The following CTNNA3 variants were observed in gnomAD, a reference collection of about 807,000 sequenced individuals.
CTNNA3 encodes the protein catenin alpha 3, also known as catenin alpha-3.
CTNNA3 carries 76 observed loss-of-function variants against 95.7 expected under a neutral mutation model. The ratio of observed to expected loss-of-function variants is 0.79; its 90% CI spans 0.66 to 0.96. CTNNA3 has a LOEUF of 0.96. Among genes scored for constraint, CTNNA3 ranks in the 40% least tolerant of loss-of-function variants. The probability of loss-of-function intolerance (pLI) is 0.00; values close to 1 mark genes in which losing one functional copy is unlikely to be tolerated. For synonymous variants in CTNNA3, 431 were observed against 374.4 expected, an observed-to-expected ratio of 1.15 and a Z score of -1.74; for missense variants, 1,191 against 1,089.8, an observed-to-expected ratio of 1.09 and a Z score of -1.31.
At chr10:66,145,484 A>G (rs1286878416) in intron 13 of CTNNA3, among the ~76,000 whole-genome samples, 1 of 152,120 alleles carries the variant, frequency 6.6e-6, no homozygotes, top group African/African-American at 2.4e-5. Context: ...AGTTCCTGAC[A>G]CCCAAATATC....
intron 10 of CTNNA3, among the ~76,000 whole-genome samples, chr10:66,568,895 G>A (rs1363875615): frequency 1.3e-5 from 2 of 151,996 alleles, no homozygotes; most frequent in Non-Finnish European, 2.9e-5. Flanking sequence ...GCTGGCAGCA[G>A]AGAAAGCCTT....
chr10:66,182,534 C>T (rs566504876), intron 13 of CTNNA3, among the ~76,000 whole-genome samples: 9 of 152,180 alleles, frequency 5.9e-5, no homozygotes, highest in African/African-American at 2.2e-4. Context: ...GGATTACAGG[C>T]GTGAGCCACC....
intron 9 of CTNNA3, among the ~76,000 whole-genome samples, chr10:66,686,818 T>C (rs1847314411): frequency 6.6e-6 from 1 of 152,070 alleles, no homozygotes; most frequent in South Asian, 2.1e-4. Flanking sequence ...CCTGAAAAAA[T>C]ACCTGTATGA....
intron 6 of CTNNA3, among the ~76,000 whole-genome samples, chr10:67,206,869 G>A (rs920241647): frequency 6.6e-6 from 1 of 151,984 alleles, no homozygotes; most frequent in African/African-American, 2.4e-5. Context: ...AACAACTCAC[G>A]CCTGTAATCC....
chr10:67,039,869 T>A (rs1854287975), intron 7 of CTNNA3, among the ~76,000 whole-genome samples: 1 of 152,164 alleles, frequency 6.6e-6, no homozygotes, highest in Non-Finnish European at 1.5e-5. Flanking sequence ...TACAGATTAA[T>A]CTGAATACCT....
chr10:67,373,946 C>T (rs1589227607), intron 5 of CTNNA3, among the ~76,000 whole-genome samples: 1 of 152,134 alleles, frequency 6.6e-6, no homozygotes, highest in South Asian at 2.1e-4. Context: ...TGGGGTCAGG[C>T]ACTTAGTTGT....
intron 9 of CTNNA3, among the ~76,000 whole-genome samples, chr10:66,670,301 G>C (rs534571602): frequency 1.3e-5 from 2 of 152,244 alleles, no homozygotes; most frequent in South Asian, 4.1e-4. Context: ...TCCAAATCAA[G>C]TTGCTGGCCA....
chr10:67,627,126 A>G (rs1219488596), intron 2 of CTNNA3, among the ~76,000 whole-genome samples: 1 of 152,128 alleles, frequency 6.6e-6, no homozygotes, highest in Non-Finnish European at 1.5e-5. Context: ...GGGCTCCCAA[A>G]AGTCTTACAC....
chr10:66,451,099 GA>G (rs1190424686), intron 11 of CTNNA3, among the ~76,000 whole-genome samples: 1 of 152,002 alleles, frequency 6.6e-6, no homozygotes, highest in Non-Finnish European at 1.5e-5. Context: ...TACACTTAAA[GA>G]CTATGCCTTC....
At chr10:67,309,198 TC>T (rs1420990471) in intron 5 of CTNNA3, among the ~76,000 whole-genome samples, 1 of 152,172 alleles carries the variant, frequency 6.6e-6, no homozygotes, top group Non-Finnish European at 1.5e-5. Context: ...ATCTCTCACT[TC>T]CTTTATTGTG....
chr10:66,796,776 T>C (rs531311122), intron 7 of CTNNA3, among the ~76,000 whole-genome samples: 4 of 152,132 alleles, frequency 2.6e-5, no homozygotes, highest in South Asian at 2.1e-4. Flanking sequence ...AATAAGTGAA[T>C]ATATGAAATA....
chr10:66,143,665 G>T (rs2083726552), intron 13 of CTNNA3, among the ~76,000 whole-genome samples: 1 of 152,076 alleles, frequency 6.6e-6, no homozygotes, highest in African/African-American at 2.4e-5. Flanking sequence ...AAACATTTCT[G>T]TAGAAGAAGT....
intron 1 of CTNNA3, among the ~76,000 whole-genome samples, chr10:67,674,924 C>T (rs1352879870): frequency 6.6e-6 from 1 of 152,004 alleles, no homozygotes; most frequent in Non-Finnish European, 1.5e-5. Context: ...TTCCCTTGAA[C>T]ATTGTAACAT....
chr10:67,146,529 G>C (rs1408321604), intron 7 of CTNNA3, among the ~76,000 whole-genome samples: 1 of 152,094 alleles, frequency 6.6e-6, no homozygotes, highest in African/African-American at 2.4e-5. Context: ...CCATCTCAGA[G>C]AATAAATGAA....
intron 5 of CTNNA3, among the ~76,000 whole-genome samples, chr10:67,294,982 C>A (rs938416131): frequency 1.3e-5 from 2 of 152,092 alleles, no homozygotes; most frequent in Non-Finnish European, 1.5e-5. Context: ...AAAAGTGACA[C>A]AATAAAAATG....
At chr10:66,088,517 G>GTGTT (rs1554843918) in intron 14 of CTNNA3, among the ~76,000 whole-genome samples, 11 of 151,090 alleles carry the variant, frequency 7.3e-5, no homozygotes, top group Non-Finnish European at 1.5e-4. Flanking sequence ...GTGTGTGTGT[G>GTGTT]TGTGTGTGTG....
At chr10:67,637,204 C>T (rs1232118164) in intron 2 of CTNNA3, among the ~76,000 whole-genome samples, 1 of 152,180 alleles carries the variant, frequency 6.6e-6, no homozygotes, top group African/African-American at 2.4e-5. Flanking sequence ...GACACTAGAA[C>T]TACGTGACGA....
chr10:66,846,951 GT>G (rs977519499), intron 7 of CTNNA3, among the ~76,000 whole-genome samples: 2 of 152,122 alleles, frequency 1.3e-5, no homozygotes, highest in African/African-American at 4.8e-5. Flanking sequence ...TCAAAATCAT[GT>G]TTTCCCCCAT....
chr10:65,966,192 A>G (rs2077961407), intron 17 of CTNNA3, among the ~76,000 whole-genome samples: 1 of 152,202 alleles, frequency 6.6e-6, no homozygotes, highest in Non-Finnish European at 1.5e-5. Context: ...TCTATGTTAT[A>G]AAAAGAAATA....
Sources: gnomAD v4.1 joint callset for allele counts (sites outside exome capture counted in the v4.1 genomes callset) on GRCh38, gnomAD v4.1.1 for gene constraint, MANE v1.5 for transcripts, NCBI Gene and HGNC (gene_info 2026-07-23, HGNC 2026-07-21) for gene names.